The following ARHGEF26 variants were observed in gnomAD, a reference collection of about 807,000 sequenced individuals.
ARHGEF26 encodes Rho guanine nucleotide exchange factor (GEF) 26.
ARHGEF26 carries 59 observed loss-of-function variants against 89.4 expected under a neutral mutation model. The ratio of observed to expected loss-of-function variants is 0.66; its 90% CI spans 0.54 to 0.82. The LOEUF is 0.82. Among genes scored for constraint, ARHGEF26 ranks in the 40% least tolerant of loss-of-function variants. ARHGEF26 has a pLI of 0.00. For synonymous variants in ARHGEF26, 500 were observed against 428.4 expected, an observed-to-expected ratio of 1.17 and a Z score of -2.06; for missense variants, 1,234 against 1,085.6, an observed-to-expected ratio of 1.14 and a Z score of -1.92.
chr3:154,123,118 A>C (rs372174017), intron 2 of ARHGEF26, 43 bp downstream of exon 2: 2 of 1,606,762 alleles, frequency 1.2e-6, no homozygotes, highest in Non-Finnish European at 1.7e-6. Context: ...ACTAAGCGGA[A>C]AGTAAATGTG....
At chr3:154,207,906 T>C (rs1318270164) in intron 9 of ARHGEF26, among the ~76,000 whole-genome samples, 1 of 152,188 alleles carries the variant, frequency 6.6e-6, no homozygotes, top group Admixed American at 6.5e-5. Context: ...TGGTATACTA[T>C]GCAGCCACAA....
At chr3:154,160,077 C>A (rs2108115154) in intron 6 of ARHGEF26, among the ~76,000 whole-genome samples, 1 of 152,230 alleles carries the variant, frequency 6.6e-6, no homozygotes. Context: ...AAATCAATTT[C>A]TTCAACTGAC....
intron 9 of ARHGEF26, among the ~76,000 whole-genome samples, chr3:154,210,932 G>T (rs1164665130): frequency 1.3e-5 from 2 of 151,044 alleles, no homozygotes; most frequent in African/African-American, 4.9e-5. Context: ...GACAGATTAA[G>T]TCTGTCCCCC....
At chr3:154,170,265 G>T (rs1464697604) in intron 6 of ARHGEF26, among the ~76,000 whole-genome samples, 1 of 152,114 alleles carries the variant, frequency 6.6e-6, no homozygotes, top group Non-Finnish European at 1.5e-5. Flanking sequence ...AGGAGCTGAG[G>T]TGGGAGGACT....
At chr3:154,191,736 G>A (rs962872116) in intron 8 of ARHGEF26, among the ~76,000 whole-genome samples, 17 of 152,158 alleles carry the variant, frequency 1.1e-4, no homozygotes, top group African/African-American at 3.1e-4. Flanking sequence ...TAAGCCATTA[G>A]GCATGTGACC....
At chr3:154,136,267 A>AAAATATTTT (rs1178501515) in intron 4 of ARHGEF26, among the ~76,000 whole-genome samples, 20 of 97,308 alleles carry the variant, frequency 2.1e-4, no homozygotes, top group South Asian at 8.8e-4. Flanking sequence ...AATTTTAATT[A>AAAATATTTT]AAGTATTTTA....
At chr3:154,185,738 TAGGC>T (rs1189521466) in intron 6 of ARHGEF26, among the ~76,000 whole-genome samples, 1 of 152,182 alleles carries the variant, frequency 6.6e-6, no homozygotes, top group Non-Finnish European at 1.5e-5. Flanking sequence ...TGACTGGAGA[TAGGC>T]AGGCATGGCT....
At chr3:154,163,803 A>C (rs1456188320) in intron 6 of ARHGEF26, among the ~76,000 whole-genome samples, 4 of 152,152 alleles carry the variant, frequency 2.6e-5, no homozygotes, top group Admixed American at 2.6e-4. Flanking sequence ...CAGTCTGTGA[A>C]TGTGTCCCAA....
chr3:154,157,692 C>T (rs1711499354), intron 6 of ARHGEF26, among the ~76,000 whole-genome samples: 1 of 151,976 alleles, frequency 6.6e-6, no homozygotes, highest in Admixed American at 6.6e-5. Flanking sequence ...AGGCGGGGTC[C>T]TCCTAGGTTT....
At chr3:154,218,627 A>G (rs1715927829) in intron 10 of ARHGEF26, among the ~76,000 whole-genome samples, 1 of 152,234 alleles carries the variant, frequency 6.6e-6, no homozygotes, top group Non-Finnish European at 1.5e-5. Flanking sequence ...ATGTAATTAA[A>G]CAATTTTAAA....
intron 6 of ARHGEF26, among the ~76,000 whole-genome samples, chr3:154,160,811 T>C (rs1450198973): frequency 6.6e-6 from 1 of 152,160 alleles, no homozygotes; most frequent in Non-Finnish European, 1.5e-5. Context: ...TTAAAGGTAA[T>C]TCCTAGGTGC....
chr3:154,207,743 T>C (rs531797861), intron 9 of ARHGEF26, among the ~76,000 whole-genome samples: 1 of 152,306 alleles, frequency 6.6e-6, no homozygotes, highest in East Asian at 1.9e-4. Flanking sequence ...ATCCTATTAC[T>C]GGGTATGCAC....
intron 6 of ARHGEF26, among the ~76,000 whole-genome samples, chr3:154,154,570 CCA>C (rs1720215592): frequency 1.2e-5 from 1 of 83,308 alleles, no homozygotes. Flanking sequence ...TATTCTCTTC[CCA>C]TATAGATACT....
intron 6 of ARHGEF26, among the ~76,000 whole-genome samples, chr3:154,182,155 G>A (rs1713227815): frequency 6.6e-6 from 1 of 151,876 alleles, no homozygotes; most frequent in Non-Finnish European, 1.5e-5. Flanking sequence ...TGCTAAGAGA[G>A]ACAAAAGTAA....
intron 9 of ARHGEF26, among the ~76,000 whole-genome samples, chr3:154,200,041 T>C (rs1338125041): frequency 2.0e-5 from 3 of 152,178 alleles, no homozygotes; most frequent in East Asian, 3.9e-4. Flanking sequence ...TATACTTTGC[T>C]CTGCAGAAGC....
intron 9 of ARHGEF26, among the ~76,000 whole-genome samples, chr3:154,213,399 A>G (rs928927794): frequency 6.6e-6 from 1 of 151,850 alleles, no homozygotes; most frequent in African/African-American, 2.4e-5. Context: ...CAGAACATGT[A>G]TGTTCAAATT....
intron 3 of ARHGEF26, 60 bp downstream of exon 3, chr3:154,124,509 T>A: frequency 7.0e-7 from 1 of 1,434,704 alleles, no homozygotes; most frequent in African/African-American, 1.5e-5. Flanking sequence ...CAATTATAAG[T>A]TGAAATCCAA....
intron 3 of ARHGEF26, among the ~76,000 whole-genome samples, chr3:154,128,849 G>T (rs955786608): frequency 1.3e-5 from 2 of 152,062 alleles, no homozygotes; most frequent in East Asian, 3.9e-4. Flanking sequence ...TCCTCCCAGC[G>T]CTTTCTACCC....
intron 9 of ARHGEF26, among the ~76,000 whole-genome samples, chr3:154,195,014 G>T (rs1714202622): frequency 6.6e-6 from 1 of 152,214 alleles, no homozygotes; most frequent in Non-Finnish European, 1.5e-5. Flanking sequence ...CAACCACTGT[G>T]CCAAGAATGA....
Sources: gnomAD v4.1 joint callset for allele counts (sites outside exome capture counted in the v4.1 genomes callset) on GRCh38, gnomAD v4.1.1 for gene constraint, MANE v1.5 for transcripts, NCBI Gene and HGNC (gene_info 2026-07-23, HGNC 2026-07-21) for gene names.